MACROD2: variants seen among roughly 807,000 people sequenced by gnomAD.
MACROD2 encodes ADP-ribose glycohydrolase MACROD2.
MACROD2 carries 36 observed loss-of-function variants against 70.4 expected under a neutral mutation model. The ratio of observed to expected loss-of-function variants is 0.51; its 90% CI spans 0.39 to 0.68. The LOEUF is 0.68. MACROD2 is among the 30% of genes least tolerant of loss of function. MACROD2 has a pLI of 0.00. For missense variants in MACROD2, 496 were observed against 538.4 expected (o/e 0.92, Z 0.78); for synonymous variants, 172 against 178.8 (o/e 0.96, Z 0.30).
intron 5 of MACROD2, among the ~76,000 whole-genome samples, chr20:14,924,948 C>A (rs2074211298): frequency 6.6e-6 from 1 of 152,050 alleles, no homozygotes; most frequent in East Asian, 1.9e-4. Context: ...ATTGCCTTGC[C>A]TCCTTAGGTT....
At chr20:15,458,254 C>A (rs1568822989) in intron 7 of MACROD2, among the ~76,000 whole-genome samples, 3 of 152,158 alleles carry the variant, frequency 2.0e-5, no homozygotes, top group Non-Finnish European at 4.4e-5. Flanking sequence ...ATTCCATTCA[C>A]ACAAATCACA....
At chr20:15,789,979 A>G (rs1167109106) in intron 8 of MACROD2, among the ~76,000 whole-genome samples, 2 of 151,964 alleles carry the variant, frequency 1.3e-5, no homozygotes, top group Admixed American at 6.6e-5. Context: ...AAATTTCCAG[A>G]CTCAAATGGT....
At chr20:15,893,797 G>C in intron 10 of MACROD2, 2 of 456,778 alleles carry the variant, frequency 4.4e-6, no homozygotes, top group Non-Finnish European at 8.8e-6. Flanking sequence ...TACTGATGGT[G>C]TCAGGTTGGG....
chr20:15,225,617 T>C (rs536553255), intron 5 of MACROD2, among the ~76,000 whole-genome samples: 2 of 152,352 alleles, frequency 1.3e-5, no homozygotes, highest in East Asian at 3.9e-4. Context: ...ACACTAATGT[T>C]AGTGTGCTTT....
chr20:14,213,361 CAAAAAAAAAAAAAA>C lies in MACROD2; in HGVS notation c.271+127645_271+127658del, dbSNP rs60009822. ...ATAGTTGATTTTGAGCTTCTAGTGGCAAAAAAAAAAAAAAAAAAAAAAAAAGGCCAATTATAAGA... is the reference window on the plus strand; with the variant it reads ...ATAGTTGATTTTGAGCTTCTAGTGGCAAAAAAAAAAAGGCCAATTATAAGA... On this transcript the variant is annotated intron_variant, in intron 3 of 17. Coordinates refer to ENST00000684519, the MANE Select transcript of MACROD2 (RefSeq NM_001351661.2). 3.0e-4 allele frequency among the ~76,000 whole-genome samples: 9 copies of C among 30,262 alleles called. 1 individual carries two copies. Among genetic ancestry groups the C allele is most frequent in the Non-Finnish European group, 4.3e-4 (8 of 18,514 alleles). 19.9% of individuals were successfully genotyped at this position (30,262 alleles called of 152,430 possible). A position where few individuals can be genotyped will look rare whatever the true frequency, so the allele number is the denominator to read the frequency against.
intron 5 of MACROD2, among the ~76,000 whole-genome samples, chr20:15,042,386 G>A (rs933463482): frequency 1.3e-5 from 2 of 152,240 alleles, no homozygotes; most frequent in African/African-American, 4.8e-5. Context: ...TCTCATCTGT[G>A]TAATGCTCAA....
chr20:15,595,398 G>A lies in MACROD2; in HGVS notation c.645+95551G>A, dbSNP rs117485359. 1.3e-4 allele frequency among the ~76,000 whole-genome samples: 20 copies of A among 152,256 alleles called. No homozygotes were observed. In the East Asian group the frequency reaches 3.9e-3, roughly 29 times the overall value. On this transcript the variant is annotated intron_variant, in intron 8 of 17. Transcript: ENST00000684519. ...GAAAGTAATTAGCAATGTATGATGA[G>A]CCTTAAGAATGTCCATTCCCTCTTC...
chr20:15,987,467 G>A (rs951992655), intron 15 of MACROD2, among the ~76,000 whole-genome samples: 3 of 152,118 alleles, frequency 2.0e-5, no homozygotes, highest in African/African-American at 7.2e-5. Context: ...GGACTAGAGG[G>A]ATAAAGTTCA....
intron 5 of MACROD2, among the ~76,000 whole-genome samples, chr20:15,067,287 T>C (rs867832365): frequency 2.0e-4 from 31 of 152,338 alleles, no homozygotes; most frequent in African/African-American, 7.0e-4. Context: ...CTTATTATTA[T>C]ATGTATAAAG....
chr20:15,896,446 A>T (rs1412568834), intron 10 of MACROD2, among the ~76,000 whole-genome samples: 1 of 152,086 alleles, frequency 6.6e-6, no homozygotes, highest in Non-Finnish European at 1.5e-5. Flanking sequence ...ATATGGTCAA[A>T]TTTTCTCATT....
chr20:14,638,503 G>A (rs566990262), intron 4 of MACROD2, among the ~76,000 whole-genome samples: 1 of 152,246 alleles, frequency 6.6e-6, no homozygotes, highest in East Asian at 1.9e-4. Context: ...GTCGTTGAGA[G>A]CATGGACTCA....
At chr20:15,551,500 G>A (rs1412125458) in intron 8 of MACROD2, among the ~76,000 whole-genome samples, 4 of 152,088 alleles carry the variant, frequency 2.6e-5, no homozygotes, top group East Asian at 3.9e-4. Flanking sequence ...ATGTGCTCAC[G>A]TTTTGTGTAT....
intron 14 of MACROD2, 97 bp downstream of exon 14, chr20:15,986,898 G>A: frequency 3.8e-6 from 4 of 1,042,330 alleles, no homozygotes; most frequent in Non-Finnish European, 5.8e-6. Context: ...GTGTGTGTGT[G>A]TTTTAGGCAA....
rs118170284 is a variant in MACROD2, at chr20:15,855,802, T to C, written c.646-6943T>C. Among the ~76,000 whole-genome samples, 21 of 152,372 alleles carry C rather than the reference T, an allele frequency of 1.4e-4. No homozygotes were observed. The East Asian group carries it at 3.9e-3, about 28-fold the overall frequency. On this transcript the variant is annotated intron_variant, in intron 8 of 17. Coordinates refer to ENST00000684519, the MANE Select transcript of MACROD2 (RefSeq NM_001351661.2). ...CAGTGTGTCCTCTTTTTTTTCTGGGTTCTGTTATACAACATTATGCTTGTG... is the reference window on the plus strand; with the variant it reads ...CAGTGTGTCCTCTTTTTTTTCTGGGCTCTGTTATACAACATTATGCTTGTG...
chr20:14,077,342 C>A (rs2053927614), intron 2 of MACROD2, among the ~76,000 whole-genome samples: 1 of 152,020 alleles, frequency 6.6e-6, no homozygotes, highest in South Asian at 2.1e-4. Flanking sequence ...TGAAAGATTA[C>A]ACTATAAAGA....
intron 5 of MACROD2, among the ~76,000 whole-genome samples, chr20:14,804,224 G>T (rs2072612018): frequency 6.6e-6 from 1 of 151,856 alleles, no homozygotes; most frequent in East Asian, 1.9e-4. Context: ...TCTAGGAATA[G>T]GTCGTTATTT....
chr20:15,673,185 A>C (rs1291945795), intron 8 of MACROD2, among the ~76,000 whole-genome samples: 1 of 152,190 alleles, frequency 6.6e-6, no homozygotes, highest in East Asian at 1.9e-4. Context: ...GAAATTAAGA[A>C]AGAGGGGAAG....
intron 8 of MACROD2, among the ~76,000 whole-genome samples, chr20:15,718,534 G>A (rs2423975): frequency 0.86 from 131,028 of 152,236 alleles, 56,764 homozygotes; most frequent in African/African-American, 0.89. Context: ...TCTTTGTTCA[G>A]TCCTCACCAA....
At position 14,950,810 on chromosome 20, in the gene MACROD2, A is replaced by G. The variant is rs539459060; in HGVS notation, c.418+265851A>G. On this transcript the variant is annotated intron_variant, in intron 5 of 17. Transcript: ENST00000684519. Reference sequence around the variant, plus strand: ...GGGCTTGTTTTAGGGAGAATGTTTTAGTGAAAAGACTTGAGGTCAGGATGA... The same window carrying G: ...GGGCTTGTTTTAGGGAGAATGTTTTGGTGAAAAGACTTGAGGTCAGGATGA... Among the ~76,000 whole-genome samples the G allele has an allele frequency of 7.9e-5, 12 of 152,246 alleles. No individual in the cohort carries two copies. In the East Asian group the frequency reaches 1.7e-3, roughly 22 times the overall value.
Sources: allele counts gnomAD v4.1 joint callset (sites outside exome capture counted in the v4.1 genomes callset), GRCh38; gene constraint gnomAD v4.1.1; transcripts MANE v1.5; gene names NCBI Gene and HGNC (gene_info 2026-07-23, HGNC 2026-07-21).